WDR64: variants seen among roughly 807,000 people sequenced by gnomAD.
WDR64 encodes WD repeat domain 64, also known as WD repeat-containing protein 64.
WDR64 carries 112 observed loss-of-function variants against 139.3 expected under a neutral mutation model. The ratio of observed to expected loss-of-function variants is 0.80; its 90% CI spans 0.69 to 0.94. The LOEUF is 0.94. WDR64 is among the 40% of genes least tolerant of loss of function. WDR64 has a pLI of 0.00. For missense variants in WDR64, 1,206 were observed against 1,293.1 expected (o/e 0.93, Z 1.03); for synonymous variants, 444 against 437.7 (o/e 1.01, Z -0.18).
chr1:241,767,769 T>C (rs1049474453), intron 16 of WDR64, among the ~76,000 whole-genome samples: 1 of 152,234 alleles, frequency 6.6e-6, no homozygotes, highest in Non-Finnish European at 1.5e-5. Context: ...GCTTGGACTA[T>C]GGATTTCTTC....
At position 241,699,558 on chromosome 1, in the gene WDR64, A is replaced by C. The variant is rs186489763; in HGVS notation, c.974+11963A>C. Among the ~76,000 whole-genome samples the C allele has an allele frequency of 4.1e-3, 620 of 152,264 alleles. 5 individuals are homozygous for C. Among genetic ancestry groups the C allele is most frequent in the African/African-American group, 0.014 (591 of 41,550 alleles). ...AGAGGGGTATGACAGGAGTGCTTAG[A>C]ACATCTTAGGATAGGATTGTAGGGG... On this transcript the variant is annotated intron_variant, in intron 8 of 27. Transcript: ENST00000437684.
At chr1:241,765,397 ATT>A (rs1323453924) in intron 15 of WDR64, among the ~76,000 whole-genome samples, 1 of 152,208 alleles carries the variant, frequency 6.6e-6, no homozygotes, top group Admixed American at 6.5e-5. Flanking sequence ...AAAAAAATGT[ATT>A]TGAGATAAAC....
At chr1:241,741,970 A>C (rs903313847) in intron 12 of WDR64, among the ~76,000 whole-genome samples, 1 of 152,174 alleles carries the variant, frequency 6.6e-6, no homozygotes, top group African/African-American at 2.4e-5. Flanking sequence ...ATTTTTTTAA[A>C]GGAGTACGGG....
intron 10 of WDR64, among the ~76,000 whole-genome samples, chr1:241,735,516 T>G (rs1669264001): frequency 8.2e-6 from 1 of 122,356 alleles, no homozygotes; most frequent in African/African-American, 3.3e-5. Flanking sequence ...TAGTTCTCTG[T>G]CTCTCTCTCT....
At chr1:241,710,760 GC>G (rs1287241059) in intron 8 of WDR64, among the ~76,000 whole-genome samples, 1 of 152,196 alleles carries the variant, frequency 6.6e-6, no homozygotes, top group African/African-American at 2.4e-5. Context: ...CATGGGGTGA[GC>G]CTGGAAGGGC....
chr1:241,700,228 T>G (rs1667659378), intron 8 of WDR64, among the ~76,000 whole-genome samples: 1 of 149,212 alleles, frequency 6.7e-6, no homozygotes, highest in African/African-American at 2.5e-5. Flanking sequence ...AACAGATTCC[T>G]CCCTCTCCTT....
At chr1:241,689,373 G>T (rs1203372842) in intron 8 of WDR64, among the ~76,000 whole-genome samples, 1 of 152,040 alleles carries the variant, frequency 6.6e-6, no homozygotes, top group Non-Finnish European at 1.5e-5. Context: ...ACACATATAG[G>T]CTAAAAATAA....
At chr1:241,738,338 T>C (rs756314475) in intron 10 of WDR64, 25 bp from the exon 11 acceptor site, 1 of 1,609,078 alleles carries the variant, frequency 6.2e-7, no homozygotes, top group South Asian at 1.1e-5. Flanking sequence ...TAAATAGTGG[T>C]AAACTGTGTT....
chr1:241,712,001 T>C, intron 9 of WDR64, 120 bp downstream of exon 9: 3 of 965,698 alleles, frequency 3.1e-6, no homozygotes, highest in Non-Finnish European at 4.7e-6. Context: ...GTCAAATCTG[T>C]TTGTCTTTTT....
At chr1:241,708,155 G>A (rs1172707461) in intron 8 of WDR64, among the ~76,000 whole-genome samples, 1 of 152,150 alleles carries the variant, frequency 6.6e-6, no homozygotes, top group East Asian at 1.9e-4. Flanking sequence ...CAGGGGGTAT[G>A]CAAGATGATC....
chr1:241,794,536 T>A (rs534503330), intron 25 of WDR64, among the ~76,000 whole-genome samples: 1 of 121,030 alleles, frequency 8.3e-6, no homozygotes, highest in South Asian at 2.8e-4. Flanking sequence ...TGAGACAGAG[T>A]CTTGCTCTGT....
intron 18 of WDR64, 95 bp downstream of exon 18, chr1:241,770,785 G>A (rs1033375184): frequency 4.5e-6 from 5 of 1,115,030 alleles, no homozygotes; most frequent in Non-Finnish European, 6.3e-6. Context: ...TCCTTTGATA[G>A]AAGGTAACAG....
chr1:241,755,947 C>A (rs549637878), intron 14 of WDR64, among the ~76,000 whole-genome samples: 1 of 152,110 alleles, frequency 6.6e-6, no homozygotes, highest in Admixed American at 6.6e-5. Flanking sequence ...TAGTACCATG[C>A]TGTTTTAGTT....
intron 6 of WDR64, among the ~76,000 whole-genome samples, 174 bp from the exon 7 acceptor site, chr1:241,683,313 C>T (rs527527074): frequency 2.0e-5 from 3 of 152,234 alleles, no homozygotes; most frequent in South Asian, 2.1e-4. Context: ...GGGCTCACAG[C>T]GAGTGTTCTG....
chr1:241,797,084 A>G (rs1659390076), intron 27 of WDR64, among the ~76,000 whole-genome samples: 1 of 152,208 alleles, frequency 6.6e-6, no homozygotes, highest in African/African-American at 2.4e-5. Flanking sequence ...GAATTTTTCT[A>G]CAGTATTAAT....
At chr1:241,732,625 GC>G (rs201429318) in intron 10 of WDR64, among the ~76,000 whole-genome samples, 5,375 of 152,098 alleles carry the variant, frequency 0.035, 317 homozygotes, top group African/African-American at 0.12. Flanking sequence ...TTTGAGACCA[GC>G]CTGGCCAACA....
At chr1:241,787,052 C>T (rs1345371499) in intron 23 of WDR64, among the ~76,000 whole-genome samples, 1 of 152,054 alleles carries the variant, frequency 6.6e-6, no homozygotes, top group Non-Finnish European at 1.5e-5. Flanking sequence ...TACAGTCTAA[C>T]TGATAAAAAT....
At chr1:241,799,448 C>CTGTA (rs1242043688) in intron 27 of WDR64, among the ~76,000 whole-genome samples, 1 of 151,044 alleles carries the variant, frequency 6.6e-6, no homozygotes. Flanking sequence ...AATATATAAA[C>CTGTA]TGTAACTCAG....
chr1:241,775,033 CA>C, intron 20 of WDR64, 71 bp from the exon 21 acceptor site: 1 of 1,199,724 alleles, frequency 8.3e-7, no homozygotes, highest in Non-Finnish European at 1.2e-6. Flanking sequence ...ATAGAAAAAT[CA>C]ATTTCAATAT....
Sources: allele counts gnomAD v4.1 joint callset (sites outside exome capture counted in the v4.1 genomes callset), GRCh38; gene constraint gnomAD v4.1.1; transcripts MANE v1.5; gene names NCBI Gene and HGNC (gene_info 2026-07-23, HGNC 2026-07-21).